ROR1: variants seen among roughly 807,000 people sequenced by gnomAD.
ROR1 encodes inactive tyrosine-protein kinase transmembrane receptor ROR1.
A neutral mutation model predicts 78.8 loss-of-function variants in ROR1; 19 were observed. The ratio of observed to expected loss-of-function variants is 0.24; its 90% CI spans 0.17 to 0.35. The LOEUF (loss-of-function observed/expected upper bound fraction) is 0.35. Ranked by LOEUF, ROR1 falls within the 10% of genes least tolerant of loss-of-function variation. The pLI is 1.00. For missense variants in ROR1, 917 were observed against 1,177.8 expected, an observed-to-expected ratio of 0.78 and a Z score of 3.24; for synonymous variants, 386 against 433.6, an observed-to-expected ratio of 0.89 and a Z score of 1.36.
rs76603841 is a variant in ROR1, at chr1:63,793,453, G to T, written c.91+18945G>T. Among the ~76,000 whole-genome samples, 4 of 152,240 alleles carry T rather than the reference G, an allele frequency of 2.6e-5. No individual in the cohort carries two copies. In the East Asian group the frequency reaches 5.8e-4, roughly 22 times the overall value. On this transcript the variant is annotated intron_variant, in intron 1 of 8. Coordinates refer to ENST00000371079, the MANE Select transcript of ROR1 (RefSeq NM_005012.4). ...CCAGTTACCCTGATTTGATCTTTAC[G>T]CATTCTATGAATGTACCAAAATATC... is the stretch of plus-strand genomic sequence containing the variant.
intron 4 of ROR1, among the ~76,000 whole-genome samples, chr1:64,096,402 C>T (rs766368476): frequency 2.6e-5 from 4 of 152,072 alleles, no homozygotes; most frequent in Non-Finnish European, 5.9e-5. Context: ...TCTCCACCCT[C>T]CAATAGGCCC....
intron 1 of ROR1, among the ~76,000 whole-genome samples, chr1:63,997,271 G>A (rs1490231919): frequency 1.3e-5 from 2 of 152,188 alleles, no homozygotes; most frequent in East Asian, 3.9e-4. Context: ...GAAATCCTAT[G>A]TAAAATAGAG....
At chr1:63,845,647 C>G (rs1334480166) in intron 1 of ROR1, among the ~76,000 whole-genome samples, 1 of 152,134 alleles carries the variant, frequency 6.6e-6, no homozygotes, top group Non-Finnish European at 1.5e-5. Flanking sequence ...GCCTTGTTTG[C>G]CACTGCCTGC....
rs1645784292 is a variant in ROR1 at position 63,935,113 on chromosome 1, T to C, written c.92-74192T>C. ...GTTGGTTTTTTGTTGCAGTGTAAAATATGGTTCAGTAATTCATTGCCCAAC... is the reference window on the plus strand; with the variant it reads ...GTTGGTTTTTTGTTGCAGTGTAAAACATGGTTCAGTAATTCATTGCCCAAC... On this transcript the variant is annotated intron_variant, in intron 1 of 8. Transcript: ENST00000371079. Among the ~76,000 whole-genome samples the C allele has an allele frequency of 2.7e-5, 4 of 149,382 alleles. No homozygotes were observed. The South Asian group carries it at 8.5e-4, about 32-fold the overall frequency.
At chr1:63,903,229 G>A (rs1250392888) in intron 1 of ROR1, among the ~76,000 whole-genome samples, 15 of 152,116 alleles carry the variant, frequency 9.9e-5, no homozygotes. Flanking sequence ...AACTTAATCG[G>A]CAGTTAGCTA....
chr1:64,057,498 G>A (rs954649403), intron 4 of ROR1, among the ~76,000 whole-genome samples: 2 of 152,122 alleles, frequency 1.3e-5, no homozygotes, highest in African/African-American at 4.8e-5. Flanking sequence ...AATCCTTAGG[G>A]CAGGGAGCCA....
At chr1:63,824,994 C>A (rs1644944992) in intron 1 of ROR1, among the ~76,000 whole-genome samples, 1 of 152,024 alleles carries the variant, frequency 6.6e-6, no homozygotes, top group South Asian at 2.1e-4. Context: ...ACTACATACC[C>A]ACAGAATGGC....
At chr1:64,152,842 CT>C (rs1197404015) in intron 7 of ROR1, among the ~76,000 whole-genome samples, 6 of 152,032 alleles carry the variant, frequency 3.9e-5, no homozygotes, top group Admixed American at 3.9e-4. Context: ...AAGCATAGCC[CT>C]TTACAATTTG....
intron 4 of ROR1, among the ~76,000 whole-genome samples, chr1:64,126,091 C>T (rs1044381380): frequency 6.6e-6 from 1 of 152,106 alleles, no homozygotes; most frequent in Non-Finnish European, 1.5e-5. Context: ...GGAGATAAGA[C>T]TGAACCGAAA....
intron 1 of ROR1, among the ~76,000 whole-genome samples, chr1:63,952,640 A>G (rs921628977): frequency 2.0e-5 from 3 of 152,144 alleles, no homozygotes; most frequent in African/African-American, 7.2e-5. Context: ...GAGGTTGCAA[A>G]GGTACCTTTG....
At chr1:63,884,132 CTTTTCACACCAA>C (rs1351361666) in intron 1 of ROR1, among the ~76,000 whole-genome samples, 13 of 152,134 alleles carry the variant, frequency 8.5e-5, no homozygotes, top group Non-Finnish European at 1.5e-4. Context: ...TGGTCTCATT[CTTTTCACACCAA>C]TGGCCAGCAG....
chr1:63,805,813 C>T (rs186222248), intron 1 of ROR1, among the ~76,000 whole-genome samples: 33 of 152,280 alleles, frequency 2.2e-4, no homozygotes, highest in African/African-American at 6.5e-4. Flanking sequence ...GACAGGAGTT[C>T]ATGACCAGCC....
intron 4 of ROR1, among the ~76,000 whole-genome samples, chr1:64,070,673 C>G (rs1646996388): frequency 6.6e-6 from 1 of 152,036 alleles, no homozygotes; most frequent in Non-Finnish European, 1.5e-5. Context: ...CTCAGGAATC[C>G]TTGTGGGGGT....
intron 3 of ROR1, 130 bp downstream of exon 3, chr1:64,050,108 C>T: frequency 9.6e-7 from 1 of 1,036,700 alleles, no homozygotes. Flanking sequence ...CAACCCTAAA[C>T]CTGGTATGGT....
At chr1:63,826,911 CT>C (rs893443925) in intron 1 of ROR1, among the ~76,000 whole-genome samples, 135 of 152,032 alleles carry the variant, frequency 8.9e-4, no homozygotes, top group Non-Finnish European at 1.4e-3. Context: ...TGATGTTGAA[CT>C]TTTTTTCACA....
intron 6 of ROR1, among the ~76,000 whole-genome samples, chr1:64,141,670 T>G (rs1649318166): frequency 6.6e-6 from 1 of 152,216 alleles, no homozygotes; most frequent in Non-Finnish European, 1.5e-5. Context: ...CATCTAGAAT[T>G]AATCTCACCG....
At chr1:64,023,386 C>T (rs554197299) in intron 2 of ROR1, among the ~76,000 whole-genome samples, 15 of 152,234 alleles carry the variant, frequency 9.9e-5, no homozygotes, top group Admixed American at 2.0e-4. Context: ...CAGCTTGGGT[C>T]CTCTTTCCCA....
At chr1:64,052,541 G>C (rs533500431) in intron 4 of ROR1, among the ~76,000 whole-genome samples, 1 of 151,992 alleles carries the variant, frequency 6.6e-6, no homozygotes, top group Non-Finnish European at 1.5e-5. Context: ...TAGGTCTCTC[G>C]TGGTTTTTAA....
At chr1:64,067,119 G>A (rs1646962573) in intron 4 of ROR1, among the ~76,000 whole-genome samples, 1 of 151,924 alleles carries the variant, frequency 6.6e-6, no homozygotes, top group South Asian at 2.1e-4. Flanking sequence ...GGAGACTGAG[G>A]TGGGTGGATC....
Sources: gnomAD v4.1 joint callset for allele counts (sites outside exome capture counted in the v4.1 genomes callset) on GRCh38, gnomAD v4.1.1 for gene constraint, MANE v1.5 for transcripts, NCBI Gene and HGNC (gene_info 2026-07-23, HGNC 2026-07-21) for gene names.